SUPT16H: variants seen among roughly 807,000 people sequenced by gnomAD.
SUPT16H encodes FACT complex subunit SPT16.
SUPT16H carries 24 observed loss-of-function variants against 136.2 expected under a neutral mutation model. The ratio of observed to expected loss-of-function variants is 0.18; its 90% CI spans 0.13 to 0.25. SUPT16H has a LOEUF of 0.25. SUPT16H is among the 10% of genes least tolerant of loss of function. The pLI is 1.00. For synonymous variants in SUPT16H, 415 were observed against 428.2 expected, an observed-to-expected ratio of 0.97 and a Z score of 0.38; for missense variants, 623 against 1,270.2, an observed-to-expected ratio of 0.49 and a Z score of 7.74.
rs779617017 is a variant in SUPT16H at position 21,366,534 on chromosome 14, TAACAAG to T, written c.956-11_956-6del. On this transcript the variant is annotated splice_polypyrimidine_tract_variant and splice_region_variant and intron_variant, in intron 7 of 25. Coordinates refer to ENST00000216297, the MANE Select transcript of SUPT16H (RefSeq NM_007192.4). ...ACACGTCACATATCTTCACACCTAA[TAACAAG>T]ACACAAAGGAGATATTAAAGTATCT... The T allele has an allele frequency of 1.2e-6, 2 of 1,608,908 alleles. No homozygotes were observed. Among genetic ancestry groups the T allele is most frequent in the Non-Finnish European group, 1.7e-6 (2 of 1,178,536 alleles).
At chr14:21,354,388 A>G (rs1169014558) in intron 23 of SUPT16H, 23 bp downstream of exon 23, 1 of 1,612,514 alleles carries the variant, frequency 6.2e-7, no homozygotes, top group East Asian at 2.2e-5. Context: ...GTGTACCAGA[A>G]AAGAAACCCC....
At chr14:21,382,771 T>C (rs1263537907) in intron 1 of SUPT16H, among the ~76,000 whole-genome samples, 3 of 152,240 alleles carry the variant, frequency 2.0e-5, no homozygotes, top group African/African-American at 4.8e-5. Context: ...TTAGTTCTTA[T>C]TTTTCCTTTT....
intron 3 of SUPT16H, 91 bp downstream of exon 3, chr14:21,371,783 T>C: frequency 1.4e-6 from 2 of 1,475,276 alleles, no homozygotes; most frequent in East Asian, 2.3e-5. Context: ...TAATTTCCCC[T>C]GCGCATTCTT....
intron 7 of SUPT16H, among the ~76,000 whole-genome samples, chr14:21,367,490 A>C (rs1341101983): frequency 6.6e-6 from 1 of 152,210 alleles, no homozygotes; most frequent in Non-Finnish European, 1.5e-5. Flanking sequence ...TGGTGGCCTC[A>C]GAGGGATCTT....
At position 21,352,169 on chromosome 14, in the gene SUPT16H, A is replaced by G. The variant is rs2139391401; in HGVS notation, c.*504T>C. 1 of 161,502 alleles carries G rather than the reference A, an allele frequency of 6.2e-6. No individual in the cohort carries two copies. The highest frequency in any genetic ancestry group is 1.6e-4 in the South Asian group (1 of 6,154). The allele number at this position is 161,502 out of a possible 1,614,324, so 10.0% of individuals were successfully genotyped here. The stretch of plus-strand genomic sequence containing the variant: ...CTCACTGGCTCAAGCTGTATGGTTT[A>G]TCACAACCATTAGCAAATTTCCGAG... On this transcript the variant is annotated 3_prime_UTR_variant, in exon 26 of 26. Transcript: ENST00000216297.
Position 21,357,891 on chromosome 14 carries a change from C to A in SUPT16H, c.2490+36G>T, listed in dbSNP as rs755928156. 5 of 1,587,662 alleles carry A rather than the reference C, an allele frequency of 3.1e-6. No homozygotes were observed. The East Asian group carries it at 1.1e-4, about 36-fold the overall frequency. Reference sequence around the variant, plus strand: ...ACCTATCCTTCTTTATTTTCTCTAACAATTTTCTTACTAAAAGAAAGTAAG... The same window carrying A: ...ACCTATCCTTCTTTATTTTCTCTAAAAATTTTCTTACTAAAAGAAAGTAAG... On this transcript the variant is annotated intron_variant, in intron 21 of 25. Transcript: ENST00000216297.
intron 15 of SUPT16H, chr14:21,361,417 A>T: frequency 1.6e-6 from 1 of 611,038 alleles, no homozygotes. Flanking sequence ...CCTGGGTTCA[A>T]GCCATCCTCC....
chr14:21,361,015 C>A, intron 16 of SUPT16H, 43 bp from the exon 17 acceptor site: 1 of 1,610,580 alleles, frequency 6.2e-7, no homozygotes, highest in Non-Finnish European at 8.5e-7. Flanking sequence ...CATATCCTTA[C>A]AAGTCTCCAA....
chr14:21,359,707 T>C lies in SUPT16H; in HGVS notation c.2176-98A>G, dbSNP rs1467080976. On this transcript the variant is annotated intron_variant, in intron 18 of 25. Coordinates refer to ENST00000216297, the MANE Select transcript of SUPT16H (RefSeq NM_007192.4). ...CAAACTTGGGCCTCCACAGCATGCATGCAAAAATAATTAAACCACCCCTGG... is the reference window on the plus strand; with the variant it reads ...CAAACTTGGGCCTCCACAGCATGCACGCAAAAATAATTAAACCACCCCTGG... 8 of 1,428,688 alleles carry C rather than the reference T, an allele frequency of 5.6e-6. No homozygotes were observed. The South Asian group carries it at 8.2e-5, about 15-fold the overall frequency. 88.5% of individuals were successfully genotyped at this position (1,428,688 alleles called of 1,614,324 possible).
intron 23 of SUPT16H, among the ~76,000 whole-genome samples, chr14:21,354,129 A>AT (rs1886379630): frequency 6.6e-6 from 1 of 152,242 alleles, no homozygotes; most frequent in Non-Finnish European, 1.5e-5. Context: ...TAAGTGGATC[A>AT]TTTTTTAAAA....
rs74034915 is a variant in SUPT16H at position 21,377,267 on chromosome 14, T to C, written c.67-3837A>G. ...TAAAAGGATTTCCCCAAAAGAGACATATCAAAGCACATTGCTGTGCAATTT... is the reference window on the plus strand; with the variant it reads ...TAAAAGGATTTCCCCAAAAGAGACACATCAAAGCACATTGCTGTGCAATTT... On this transcript the variant is annotated intron_variant, in intron 1 of 25. Transcript: ENST00000216297. 3.9e-3 allele frequency among the ~76,000 whole-genome samples: 588 copies of C among 152,138 alleles called. 2 individuals carry two copies. The highest frequency in any genetic ancestry group is 0.014 in the African/African-American group (565 of 41,524).
At chr14:21,365,992 T>C (rs1267042674) in intron 8 of SUPT16H, among the ~76,000 whole-genome samples, 3 of 151,954 alleles carry the variant, frequency 2.0e-5, no homozygotes, top group Admixed American at 6.6e-5. Flanking sequence ...GTCCCAGTTA[T>C]TGGGGGAGCT....
At chr14:21,373,485 C>G in intron 1 of SUPT16H, 55 bp from the exon 2 acceptor site, 1 of 1,266,874 alleles carries the variant, frequency 7.9e-7, no homozygotes, top group Non-Finnish European at 1.2e-6. Flanking sequence ...AACAGGAATA[C>G]AGCCTTCAAT....
At position 21,360,978 on chromosome 14, in the gene SUPT16H, C is replaced by A. The variant is rs376010266; in HGVS notation, c.1930-6G>T. On this transcript the variant is annotated splice_region_variant and splice_polypyrimidine_tract_variant and intron_variant, in intron 16 of 25. Transcript: ENST00000216297. ...GAGTCTTGTTTTACAATCCCCTAAG[C>A]AAGAAGAAAATTAATGTGAATTGTC... 126 of 1,612,206 alleles carry A rather than the reference C, an allele frequency of 7.8e-5. No homozygotes were observed. Among genetic ancestry groups the A allele is most frequent in the Non-Finnish European group, 1.0e-4 (119 of 1,179,256 alleles).
intron 2 of SUPT16H, chr14:21,372,282 C>T (rs1886803481): frequency 2.2e-6 from 1 of 457,368 alleles, no homozygotes; most frequent in Admixed American, 4.0e-5. Flanking sequence ...TATGCTTGAA[C>T]TTTCTATAAT....
intron 22 of SUPT16H, among the ~76,000 whole-genome samples, chr14:21,355,640 G>A (rs1455483304): frequency 1.3e-5 from 2 of 151,716 alleles, no homozygotes; most frequent in African/African-American, 4.8e-5. Flanking sequence ...ATGAAGGTAG[G>A]AACAAATTTT....
intron 17 of SUPT16H, 49 bp downstream of exon 17, chr14:21,360,797 C>G: frequency 1.3e-6 from 2 of 1,575,908 alleles, no homozygotes; most frequent in Non-Finnish European, 1.7e-6. Flanking sequence ...TCATTCCTAA[C>G]AAATGTGCCC....
At chr14:21,367,102 G>A (rs867489241) in intron 7 of SUPT16H, among the ~76,000 whole-genome samples, 6 of 152,160 alleles carry the variant, frequency 3.9e-5, no homozygotes, top group South Asian at 2.1e-4. Context: ...CACCACGCCC[G>A]GCTAATTTTT....
intron 20 of SUPT16H, 98 bp from the exon 21 acceptor site, chr14:21,358,100 C>T (rs1297825494): frequency 1.8e-6 from 2 of 1,123,922 alleles, no homozygotes; most frequent in Non-Finnish European, 2.6e-6. Context: ...CAAACAGCTC[C>T]AGCATACTCA....
Sources: allele counts gnomAD v4.1 joint callset (sites outside exome capture counted in the v4.1 genomes callset), GRCh38; gene constraint gnomAD v4.1.1; transcripts MANE v1.5; gene names NCBI Gene and HGNC (gene_info 2026-07-23, HGNC 2026-07-21).